The following ZBTB20 variants were observed in gnomAD, a reference collection of about 807,000 sequenced individuals.
The protein encoded by ZBTB20 is zinc finger and BTB domain-containing protein 20.
In ZBTB20, 9 loss-of-function variants were observed where a neutral mutation model predicts 56.9. The observed-to-expected ratio is 0.16, with a 90% CI of 0.10 to 0.28. The LOEUF (loss-of-function observed/expected upper bound fraction) is 0.28. ZBTB20 is among the 10% of genes least tolerant of loss of function. The pLI, the probability that ZBTB20 is intolerant of heterozygous loss-of-function variation, is 1.00. For synonymous variants in ZBTB20, 417 were observed against 420.7 expected (o/e 0.99, Z 0.11); for missense variants, 655 against 1,003.0 (o/e 0.65, Z 4.69).
At chr3:114,888,684 C>A (rs892493019) in intron 4 of ZBTB20, among the ~76,000 whole-genome samples, 1 of 151,972 alleles carries the variant, frequency 6.6e-6, no homozygotes, top group Admixed American at 6.5e-5. Context: ...TGAGACTTGG[C>A]AAAGACCCTA....
intron 6 of ZBTB20, among the ~76,000 whole-genome samples, chr3:114,573,582 AAAAAGAAAAAAG>A (rs1381825736): frequency 9.2e-5 from 14 of 151,794 alleles, no homozygotes; most frequent in Non-Finnish European, 1.3e-4. Flanking sequence ...GAGAAAAAGG[AAAAAGAAAAAAG>A]AAAAGAAAAG....
At chr3:114,573,554 G>A (rs1169208679) in intron 6 of ZBTB20, among the ~76,000 whole-genome samples, 4 of 135,592 alleles carry the variant, frequency 3.0e-5, no homozygotes, top group African/African-American at 8.2e-5. Context: ...GGAAAAGAAA[G>A]AGGAAAAAAA....
intron 4 of ZBTB20, among the ~76,000 whole-genome samples, chr3:114,846,322 G>C (rs1340364729): frequency 6.6e-6 from 1 of 152,114 alleles, no homozygotes; most frequent in East Asian, 1.9e-4. Context: ...ATTCTTTTTA[G>C]ATACAATTCT....
At chr3:114,848,949 AC>A (rs2107392962) in intron 4 of ZBTB20, among the ~76,000 whole-genome samples, 1 of 152,244 alleles carries the variant, frequency 6.6e-6, no homozygotes, top group African/African-American at 2.4e-5. Context: ...TTAGATGGTC[AC>A]CCCATTAACT....
rs201656107 is a variant in ZBTB20 at position 114,351,403 on chromosome 3, G to A, written c.675C>T (p.Ser225=). 51 of 1,612,400 alleles carry A rather than the reference G, an allele frequency of 3.2e-5. No homozygotes were observed. The highest frequency in any genetic ancestry group is 4.2e-5 in the Non-Finnish European group (50 of 1,179,956). ...TPESGTSGQS[S]DTESGYLQSH... is the part of the protein sequence containing the mutation. ...TCTGCAGGTAGCCCGACTCCGTGTC[G>A]CTGCTCTGGCCTGACGTGCCTGACT... Residue 225 remains serine (S), a synonymous_variant, in exon 11 of 12, where the codon AGC becomes AGT. Coordinates refer to ENST00000675478, the MANE Select transcript of ZBTB20 (RefSeq NM_001348800.3).
intron 5 of ZBTB20, among the ~76,000 whole-genome samples, chr3:114,704,928 T>C (rs373300487): frequency 2.6e-5 from 4 of 152,176 alleles, no homozygotes; most frequent in African/African-American, 9.6e-5. Context: ...CTTTTCTTGC[T>C]GTGTGAAATG....
At chr3:114,825,160 C>A (rs2073458666) in intron 4 of ZBTB20, among the ~76,000 whole-genome samples, 2 of 151,992 alleles carry the variant, frequency 1.3e-5, no homozygotes, top group South Asian at 4.1e-4. Context: ...AACATTGATT[C>A]TTCTAATTGT....
intron 7 of ZBTB20, among the ~76,000 whole-genome samples, chr3:114,459,691 T>C (rs2092234252): frequency 6.6e-6 from 1 of 152,138 alleles, no homozygotes; most frequent in African/African-American, 2.4e-5. Context: ...AAAAGGGGCA[T>C]ACTTTATCCT....
Position 114,646,639 on chromosome 3 carries a change from T to A in ZBTB20, c.-295+46889A>T, listed in dbSNP as rs1006646923. Among the ~76,000 whole-genome samples, 3 of 152,226 alleles carry A rather than the reference T, an allele frequency of 2.0e-5. No individual in the cohort carries two copies. In the East Asian group the frequency reaches 5.8e-4, roughly 29 times the overall value. On this transcript the variant is annotated intron_variant, in intron 6 of 11. Transcript: ENST00000675478. ...GTAAAGAAAACAAAAGTTTCATTCA[T>A]CCTCCTGTAATGATGCCAATCTAAT... is the stretch of plus-strand genomic sequence containing the variant.
intron 6 of ZBTB20, among the ~76,000 whole-genome samples, chr3:114,627,352 A>T (rs1216542531): frequency 6.6e-6 from 1 of 152,166 alleles, no homozygotes; most frequent in Non-Finnish European, 1.5e-5. Context: ...GCTTCCAAAT[A>T]AAGAAAATTA....
intron 1 of ZBTB20, among the ~76,000 whole-genome samples, chr3:115,115,819 A>G (rs1361000647): frequency 6.6e-6 from 1 of 152,042 alleles, no homozygotes; most frequent in African/African-American, 2.4e-5. Flanking sequence ...CTAGGTAGTT[A>G]GATTTTAATG....
chr3:115,070,265 C>T (rs2082360522), intron 2 of ZBTB20, among the ~76,000 whole-genome samples: 2 of 151,810 alleles, frequency 1.3e-5, no homozygotes, highest in Admixed American at 6.6e-5. Flanking sequence ...TAGCAACTCA[C>T]CTTTAAAAAG....
At chr3:115,051,329 G>A (rs2081539655) in intron 2 of ZBTB20, among the ~76,000 whole-genome samples, 1 of 151,864 alleles carries the variant, frequency 6.6e-6, no homozygotes, top group African/African-American at 2.4e-5. Flanking sequence ...AATAGATTTT[G>A]GAGAGAAAAA....
At chr3:115,002,049 A>G (rs2079272619) in intron 2 of ZBTB20, among the ~76,000 whole-genome samples, 1 of 151,558 alleles carries the variant, frequency 6.6e-6, no homozygotes, top group African/African-American at 2.4e-5. Context: ...AACTTAGATC[A>G]ATGGAACAGA....
chr3:114,382,450 T>A (rs372241764), intron 8 of ZBTB20, among the ~76,000 whole-genome samples: 21 of 152,220 alleles, frequency 1.4e-4, no homozygotes, highest in East Asian at 7.7e-4. Flanking sequence ...CTCCAGAACA[T>A]CCTGGGAATC....
At chr3:114,965,893 T>G (rs916094636) in intron 3 of ZBTB20, among the ~76,000 whole-genome samples, 2 of 152,154 alleles carry the variant, frequency 1.3e-5, no homozygotes, top group Non-Finnish European at 2.9e-5. Flanking sequence ...GTTCCTTATA[T>G]ATTTTGGATA....
intron 6 of ZBTB20, among the ~76,000 whole-genome samples, chr3:114,672,056 A>G (rs935873679): frequency 2.6e-5 from 4 of 152,192 alleles, no homozygotes; most frequent in African/African-American, 9.6e-5. Flanking sequence ...ATGTCTGTCT[A>G]TAGTTTTTCC....
chr3:114,505,091 A>C (rs995041188), intron 6 of ZBTB20, among the ~76,000 whole-genome samples: 1 of 152,152 alleles, frequency 6.6e-6, no homozygotes, highest in African/African-American at 2.4e-5. Context: ...TGGTAAGCGA[A>C]AGCTATTATT....
chr3:114,736,769 A>G (rs1470707126), intron 5 of ZBTB20, among the ~76,000 whole-genome samples: 1 of 152,124 alleles, frequency 6.6e-6, no homozygotes, highest in African/African-American at 2.4e-5. Flanking sequence ...AACAAACAAA[A>G]AACACTGGAG....
Sources: gnomAD v4.1 joint callset for allele counts (sites outside exome capture counted in the v4.1 genomes callset) on GRCh38, gnomAD v4.1.1 for gene constraint, MANE v1.5 for transcripts, NCBI Gene and HGNC (gene_info 2026-07-23, HGNC 2026-07-21) for gene names.